DLC1: variants seen among roughly 807,000 people sequenced by gnomAD.
The protein encoded by DLC1 is DLC1 Rho GTPase activating protein, also known as rho GTPase-activating protein 7.
A neutral mutation model predicts 140.3 loss-of-function variants in DLC1; 54 were observed. The ratio of observed to expected loss-of-function variants is 0.38; its 90% CI spans 0.31 to 0.48. The LOEUF is 0.48. Ranked by LOEUF, DLC1 falls within the 20% of genes least tolerant of loss-of-function variation. The pLI is 0.96. For synonymous variants in DLC1, 986 were observed against 728.1 expected (o/e 1.35, Z -5.70); for missense variants, 2,536 against 1,907.0 (o/e 1.33, Z -6.14).
chr8:13,218,958 G>GAAT (rs370930887), intron 5 of DLC1, among the ~76,000 whole-genome samples: 2 of 31,692 alleles, frequency 6.3e-5, no homozygotes, highest in African/African-American at 4.2e-4. Context: ...AATTATATAC[G>GAAT]TATATAATTA....
intron 2 of DLC1, among the ~76,000 whole-genome samples, chr8:13,416,215 T>C (rs1195531366): frequency 2.0e-5 from 3 of 152,182 alleles, no homozygotes; most frequent in Admixed American, 6.5e-5. Context: ...GTTTCATGTG[T>C]ATAAAATTTG....
At chr8:13,360,908 T>G (rs1404532163) in intron 4 of DLC1, among the ~76,000 whole-genome samples, 1 of 152,030 alleles carries the variant, frequency 6.6e-6, no homozygotes, top group Non-Finnish European at 1.5e-5. Flanking sequence ...CACCTTAATA[T>G]TAGAAAACAA....
chr8:13,496,348 T>G (rs566287904), intron 2 of DLC1, among the ~76,000 whole-genome samples: 1 of 152,294 alleles, frequency 6.6e-6, no homozygotes, highest in African/African-American at 2.4e-5. Flanking sequence ...GCTTATATAC[T>G]AAATATTATT....
chr8:13,268,872 CTT>C (rs57984324), intron 5 of DLC1, among the ~76,000 whole-genome samples: 10 of 126,446 alleles, frequency 7.9e-5, no homozygotes, highest in African/African-American at 2.4e-4. Context: ...TGCTTCCTTC[CTT>C]TTTTTTTTTT....
intron 4 of DLC1, among the ~76,000 whole-genome samples, chr8:13,384,601 G>GA (rs1331320996): frequency 3.7e-5 from 5 of 134,296 alleles, no homozygotes; most frequent in Admixed American, 7.1e-5. Flanking sequence ...ATCCACAGAA[G>GA]AAAAAATGTA....
chr8:13,562,420 C>T (rs2117384360), intron 1 of DLC1, among the ~76,000 whole-genome samples: 1 of 152,052 alleles, frequency 6.6e-6, no homozygotes, highest in East Asian at 1.9e-4. Flanking sequence ...ATATATGGTA[C>T]ACATAAAAAG....
intron 3 of DLC1, among the ~76,000 whole-genome samples, chr8:13,397,644 T>A (rs1310207293): frequency 6.6e-6 from 1 of 150,414 alleles, no homozygotes; most frequent in Non-Finnish European, 1.5e-5. Context: ...GCCTGGGCAA[T>A]GTAGAGAAAC....
At chr8:13,415,401 AT>A (rs34742397) in intron 2 of DLC1, among the ~76,000 whole-genome samples, 88,920 of 139,142 alleles carry the variant, frequency 0.64, 27,791 homozygotes, top group Middle Eastern at 0.71. Flanking sequence ...AAAATATTTA[AT>A]TTTTTTTTTT....
chr8:13,472,952 A>G (rs62494115), intron 2 of DLC1, among the ~76,000 whole-genome samples: 70,663 of 151,634 alleles, frequency 0.47, 16,589 homozygotes, highest in African/African-American at 0.49. Flanking sequence ...GTACCTGAAT[A>G]CTAGTCATAA....
chr8:13,354,569 C>G (rs1834832542), intron 4 of DLC1, among the ~76,000 whole-genome samples: 2 of 152,080 alleles, frequency 1.3e-5, no homozygotes, highest in Admixed American at 1.3e-4. Context: ...ATTCACGCAT[C>G]AAGCTCATTA....
intron 1 of DLC1, among the ~76,000 whole-genome samples, chr8:13,530,553 C>G (rs1211540888): frequency 6.6e-6 from 1 of 152,080 alleles, no homozygotes; most frequent in Non-Finnish European, 1.5e-5. Context: ...TATCCTTGAG[C>G]CAGACCACAT....
chr8:13,325,779 A>G (rs1456041167), intron 4 of DLC1, among the ~76,000 whole-genome samples: 2 of 152,228 alleles, frequency 1.3e-5, no homozygotes, highest in African/African-American at 4.8e-5. Context: ...TTCTTGCATC[A>G]CAGGTTAAAA....
chr8:13,269,701 CAAAAA>C (rs57030004), intron 5 of DLC1, among the ~76,000 whole-genome samples: 34 of 99,468 alleles, frequency 3.4e-4, no homozygotes, highest in African/African-American at 1.3e-3. Flanking sequence ...AAAACTCTGT[CAAAAA>C]AAAAAAAAAA....
intron 5 of DLC1, among the ~76,000 whole-genome samples, chr8:13,250,999 G>T (rs943485444): frequency 3.9e-5 from 6 of 152,190 alleles, no homozygotes; most frequent in South Asian, 2.1e-4. Context: ...AGATTCAGTG[G>T]TTTTTTCACA....
At chr8:13,196,332 TGTA>T (rs1159178470) in intron 5 of DLC1, among the ~76,000 whole-genome samples, 1 of 152,224 alleles carries the variant, frequency 6.6e-6, no homozygotes, top group East Asian at 1.9e-4. Context: ...TTTATTATTG[TGTA>T]TTTTTCTCTA....
intron 2 of DLC1, among the ~76,000 whole-genome samples, chr8:13,479,830 A>AAG: frequency 2.8e-5 from 1 of 35,250 alleles, no homozygotes; most frequent in African/African-American, 9.9e-5. Flanking sequence ...GAAGAAGAAG[A>AAG]AGAAGAAGAA....
intron 5 of DLC1, among the ~76,000 whole-genome samples, chr8:13,192,609 G>A (rs548033112): frequency 1.2e-3 from 184 of 152,306 alleles, no homozygotes; most frequent in African/African-American, 4.0e-3. Flanking sequence ...GTTTTGGACA[G>A]AATTGTAGCA....
At chr8:13,241,287 G>C (rs140694838) in intron 5 of DLC1, among the ~76,000 whole-genome samples, 78 of 152,318 alleles carry the variant, frequency 5.1e-4, no homozygotes, top group African/African-American at 1.7e-3. Context: ...ATTAAGAAAA[G>C]GCCGTTTAGG....
chr8:13,100,108 G>C lies in DLC1; in HGVS notation c.2229C>G (p.Ser743Arg), dbSNP rs1311845464. 1 of 1,613,836 alleles carries C rather than the reference G, an allele frequency of 6.2e-7. No individual in the cohort carries two copies. The highest frequency in any genetic ancestry group is 1.3e-5 in the African/African-American group (1 of 74,948). The change falls in exon 9 of 18, where the codon AGC (serine) becomes AGG (arginine). Residue 743 changes from serine (S) to arginine (R), a missense_variant. Coordinates refer to ENST00000276297, the MANE Select transcript of DLC1 (RefSeq NM_182643.3). Reference protein sequence around the residue: ...SVSNSTQTSSSSSQSETSSAV... With the variant: ...SVSNSTQTSSRSSQSETSSAV... The stretch of plus-strand genomic sequence containing the variant: ...CGCTGCTGGTCTCCGACTGGCTGCT[G>C]CTGCTGCTGGTCTGCGTGGAGTTGG...
Sources: allele counts gnomAD v4.1 joint callset (sites outside exome capture counted in the v4.1 genomes callset), GRCh38; gene constraint gnomAD v4.1.1; transcripts MANE v1.5; gene names NCBI Gene and HGNC (gene_info 2026-07-23, HGNC 2026-07-21).